PPP4R3A: variants seen among roughly 807,000 people sequenced by gnomAD.
PPP4R3A encodes the protein protein phosphatase 4 regulatory subunit 3A.
PPP4R3A carries 15 observed loss-of-function variants against 91.7 expected under a neutral mutation model. The ratio of observed to expected loss-of-function variants is 0.16; its 90% confidence interval spans 0.11 to 0.25. PPP4R3A has a LOEUF of 0.25. PPP4R3A is among the 10% of genes least tolerant of loss of function. The pLI is 1.00. For synonymous variants in PPP4R3A, 377 were observed against 348.7 expected, an observed-to-expected ratio of 1.08 and a Z score of -0.91; for missense variants, 623 against 998.4, an observed-to-expected ratio of 0.62 and a Z score of 5.07.
intron 4 of PPP4R3A, among the ~76,000 whole-genome samples, chr14:91,481,063 T>G (rs1330633694): frequency 3.3e-5 from 5 of 150,858 alleles, no homozygotes; most frequent in Non-Finnish European, 5.9e-5. Flanking sequence ...CTGGGCCCAG[T>G]GGCTCACACC....
intron 10 of PPP4R3A, among the ~76,000 whole-genome samples, chr14:91,468,394 T>C (rs1047754037): frequency 6.6e-6 from 1 of 152,124 alleles, no homozygotes; most frequent in African/African-American, 2.4e-5. Flanking sequence ...CCAAGTAGGC[T>C]GGGCGCCATG....
chr14:91,509,356 G>A (rs1008224129), intron 1 of PPP4R3A, 150 bp downstream of exon 1: 1 of 1,106,992 alleles, frequency 9.0e-7, no homozygotes, highest in African/African-American at 1.6e-5. Flanking sequence ...GCAAGACTGG[G>A]GTACCTGGGG....
chr14:91,487,328 A>G (rs1014117360), intron 2 of PPP4R3A, among the ~76,000 whole-genome samples: 2 of 152,094 alleles, frequency 1.3e-5, no homozygotes, highest in African/African-American at 4.8e-5. Context: ...GATAGCAATC[A>G]ACCATTTCAA....
intron 7 of PPP4R3A, among the ~76,000 whole-genome samples, chr14:91,474,227 C>T (rs1366071391): frequency 1.3e-5 from 2 of 152,082 alleles, no homozygotes; most frequent in South Asian, 4.1e-4. Context: ...TTAGAGAGTG[C>T]AGAGAACAAA....
chr14:91,506,230 A>G (rs1275631528), intron 1 of PPP4R3A, among the ~76,000 whole-genome samples: 1 of 152,222 alleles, frequency 6.6e-6, no homozygotes, highest in African/African-American at 2.4e-5. Flanking sequence ...TACAGGCATG[A>G]GCCATTGTGC....
chr14:91,476,866 A>G, intron 5 of PPP4R3A, 43 bp downstream of exon 5: 1 of 1,503,604 alleles, frequency 6.7e-7, no homozygotes, highest in South Asian at 1.2e-5. Flanking sequence ...AAGCCCGGCC[A>G]GTTGTTTTAT....
At position 91,478,563 on chromosome 14, in the gene PPP4R3A, C is replaced by A. The variant is rs576156358; in HGVS notation, c.916-1577G>T. 2.6e-5 allele frequency among the ~76,000 whole-genome samples: 4 copies of A among 152,308 alleles called. No homozygotes were observed. The East Asian group carries it at 7.7e-4, about 29-fold the overall frequency. On this transcript the variant is annotated intron_variant, in intron 4 of 14. Transcript: ENST00000554943. ...AGCCAGTATTTTACAAAGCACATTA[C>A]AGGGAAGCAAAGATTTAACAACTTG...
chr14:91,498,232 G>T (rs1184158029), intron 1 of PPP4R3A, among the ~76,000 whole-genome samples: 1 of 152,016 alleles, frequency 6.6e-6, no homozygotes, highest in Non-Finnish European at 1.5e-5. Flanking sequence ...CTACTAGGGA[G>T]GCTGAAGCAG....
intron 11 of PPP4R3A, among the ~76,000 whole-genome samples, chr14:91,464,260 G>A (rs1044446289): frequency 6.6e-5 from 10 of 152,082 alleles, no homozygotes; most frequent in African/African-American, 1.9e-4. Context: ...GGTGGAAGGC[G>A]CAGTGAGTCG....
chr14:91,496,005 T>A (rs1354468487), intron 1 of PPP4R3A, among the ~76,000 whole-genome samples: 1 of 152,116 alleles, frequency 6.6e-6, no homozygotes, highest in Non-Finnish European at 1.5e-5. Context: ...ACGAACAATG[T>A]TAATATATGA....
intron 1 of PPP4R3A, among the ~76,000 whole-genome samples, chr14:91,498,339 A>G (rs7153849): frequency 0.49 from 72,992 of 150,262 alleles, 17,838 homozygotes; most frequent in Admixed American, 0.53. Context: ...TCTCAAAGAA[A>G]AAAAAAAAAA....
At position 91,458,175 on chromosome 14, in the gene PPP4R3A, G is replaced by T. The variant is rs1887883466; in HGVS notation, c.*584C>A. Reference sequence around the variant, plus strand: ...TCAATCTTTAATCAAGTAGGGAGAAGTCCCCACTTAAAAAAAAAAATATCT... The same window carrying T: ...TCAATCTTTAATCAAGTAGGGAGAATTCCCCACTTAAAAAAAAAAATATCT... On this transcript the variant is annotated 3_prime_UTR_variant, in exon 15 of 15. Coordinates refer to ENST00000554943, the MANE Select transcript of PPP4R3A (RefSeq NM_001366432.2). The T allele has an allele frequency of 6.5e-6, 1 of 153,076 alleles. No homozygotes were observed. Among genetic ancestry groups the T allele is most frequent in the Admixed American group, 6.5e-5 (1 of 15,386 alleles). The allele number at this position is 153,076 out of a possible 1,614,324, so 9.5% of individuals were successfully genotyped here. A position where few individuals can be genotyped will look rare whatever the true frequency, so the allele number is the denominator to read the frequency against.
At chr14:91,504,870 C>T (rs906320478) in intron 1 of PPP4R3A, among the ~76,000 whole-genome samples, 3 of 152,092 alleles carry the variant, frequency 2.0e-5, no homozygotes, top group East Asian at 1.9e-4. Flanking sequence ...GATTTTTAGA[C>T]GAGCATATAA....
chr14:91,468,685 AAAAAGG>A (rs1361765951), intron 10 of PPP4R3A, among the ~76,000 whole-genome samples: 10 of 147,712 alleles, frequency 6.8e-5, no homozygotes, highest in African/African-American at 2.5e-4. Flanking sequence ...AAAAAAAAAA[AAAAAGG>A]AAAAAAGAAA....
chr14:91,483,132 G>T (rs1244828389), intron 3 of PPP4R3A, among the ~76,000 whole-genome samples: 2 of 152,022 alleles, frequency 1.3e-5, no homozygotes, highest in Non-Finnish European at 2.9e-5. Flanking sequence ...GGTAACAAAA[G>T]GTCAAGGATA....
At chr14:91,467,213 CA>C (rs1353504931) in intron 10 of PPP4R3A, among the ~76,000 whole-genome samples, 5 of 152,144 alleles carry the variant, frequency 3.3e-5, no homozygotes, top group South Asian at 4.1e-4. Context: ...AAACCTGCAT[CA>C]AAAACATCCA....
chr14:91,493,784 T>C (rs1423793485), intron 1 of PPP4R3A, among the ~76,000 whole-genome samples: 1 of 149,624 alleles, frequency 6.7e-6, no homozygotes, highest in East Asian at 1.9e-4. Flanking sequence ...TTTTTTTTTT[T>C]TTTTTGAGAC....
At chr14:91,506,379 T>G (rs182642501) in intron 1 of PPP4R3A, among the ~76,000 whole-genome samples, 50 of 152,340 alleles carry the variant, frequency 3.3e-4, no homozygotes, top group African/African-American at 1.2e-3. Flanking sequence ...GACACTGTTG[T>G]AAGAATTACG....
In PPP4R3A at chr14:91,476,486, C is replaced by T. The variant is rs778887422; in HGVS notation, c.1032G>A (p.Thr344=). The change falls in exon 6 of 15, where the codon ACG becomes ACA. Residue 344 remains threonine, a synonymous_variant. Transcript: ENST00000554943. ...FLKEFCAFSQ[T]LQPQNRDAFF... ...AAGCATCTCTGTTTTGAGGCTGTAG[C>T]GTTTGGGAAAACGCACAAAATTCTT... is the stretch of plus-strand genomic sequence containing the variant. 4.4e-5 allele frequency: 71 copies of T among 1,607,130 alleles called. No homozygotes were observed. In the South Asian group the frequency reaches 5.5e-4, roughly 12 times the overall value.
Sources: gnomAD v4.1 joint callset for allele counts (sites outside exome capture counted in the v4.1 genomes callset) on GRCh38, gnomAD v4.1.1 for gene constraint, MANE v1.5 for transcripts, NCBI Gene and HGNC (gene_info 2026-07-23, HGNC 2026-07-21) for gene names.